SCRN1: variants seen among roughly 807,000 people sequenced by gnomAD.
SCRN1 encodes the protein secernin 1.
In SCRN1, 19 loss-of-function variants were observed where a neutral mutation model predicts 43.3. The observed-to-expected ratio is 0.44, with a 90% confidence interval of 0.31 to 0.64. The LOEUF (loss-of-function observed/expected upper bound fraction) is 0.64. Among genes scored for constraint, SCRN1 ranks in the 30% least tolerant of loss-of-function variants. SCRN1 has a pLI of 0.09. For synonymous variants in SCRN1, 183 were observed against 188.9 expected (o/e 0.97, Z 0.26); for missense variants, 447 against 524.1 (o/e 0.85, Z 1.44).
chr7:29,976,989 C>T (rs1583696605), intron 1 of SCRN1, among the ~76,000 whole-genome samples: 1 of 152,174 alleles, frequency 6.6e-6, no homozygotes, highest in African/African-American at 2.4e-5. Flanking sequence ...TTATTGAAGG[C>T]GTGAATGCTC....
chr7:29,983,044 G>T (rs1218092526), intron 1 of SCRN1, among the ~76,000 whole-genome samples: 1 of 151,768 alleles, frequency 6.6e-6, no homozygotes, highest in East Asian at 1.9e-4. Flanking sequence ...TCACCATGTT[G>T]GCCAGGCTGG....
intron 1 of SCRN1, among the ~76,000 whole-genome samples, chr7:29,986,639 T>C: frequency 6.6e-6 from 1 of 152,112 alleles, no homozygotes; most frequent in East Asian, 1.9e-4. Context: ...TCTGTATTTT[T>C]ACAACTTGCT....
In SCRN1 at chr7:29,923,969, C is replaced by T. The variant is rs1562798611; in HGVS notation, c.1233G>A (p.Lys411=). 2 of 1,612,026 alleles carry T rather than the reference C, an allele frequency of 1.2e-6. No homozygotes were observed. Among genetic ancestry groups the T allele is most frequent in the South Asian group, 2.2e-5 (2 of 90,654 alleles). The change falls in exon 8 of 8, where the codon AAG becomes AAA. Residue 411 remains lysine (K), a synonymous_variant. Coordinates refer to ENST00000242059, the MANE Select transcript of SCRN1 (RefSeq NM_014766.5). The stretch of plus-strand genomic sequence containing the variant: ...GGGAACGCTTACTTCACTTAAAGAA[C>T]TTAATCTCCGTGTCAACACAGTCAT... ...LFYDCVDTEI[K]FFK is the part of the protein sequence containing the mutation.
Position 29,940,800 on chromosome 7 carries a change from G to C in SCRN1, c.621C>G (p.Tyr207Ter), listed in dbSNP as rs769256493. ...CCGTCCACCAACCTTGGCTCTGAGC[G>C]TAACTCCTGAGTTCCGGATGCTCTG... ...MDAEHPELRSYAQSQGWWTGE... is the reference protein window; with the variant it reads ...MDAEHPELRS The change falls in exon 5 of 8, where the codon TAC becomes TAG. Residue 207 changes from tyrosine (Y) to a stop codon, truncating the protein, a stop_gained. Transcript: ENST00000242059. LOFTEE classifies it high-confidence loss of function. The C allele has an allele frequency of 1.2e-6, 2 of 1,607,008 alleles. No homozygotes were observed. The highest frequency in any genetic ancestry group is 1.7e-6 in the Non-Finnish European group (2 of 1,178,124).
intron 3 of SCRN1, among the ~76,000 whole-genome samples, chr7:29,949,300 G>C (rs985540504): frequency 4.8e-5 from 7 of 144,678 alleles, no homozygotes; most frequent in Non-Finnish European, 9.1e-5. Flanking sequence ...GGGTGACAGA[G>C]CAAGACTCCG....
At chr7:29,943,131 C>T (rs185120399) in intron 4 of SCRN1, among the ~76,000 whole-genome samples, 10 of 152,260 alleles carry the variant, frequency 6.6e-5, no homozygotes, top group East Asian at 1.9e-4. Flanking sequence ...ATAGGTTCAA[C>T]GAAAGAGAAG....
chr7:29,969,593 A>G (rs1042421346), intron 1 of SCRN1, among the ~76,000 whole-genome samples: 2 of 152,190 alleles, frequency 1.3e-5, no homozygotes, highest in Non-Finnish European at 2.9e-5. Flanking sequence ...CCTCGATGAC[A>G]TAACACTCAA....
At chr7:29,926,993 CTT>C (rs767465159) in intron 6 of SCRN1, among the ~76,000 whole-genome samples, 4 of 143,846 alleles carry the variant, frequency 2.8e-5, no homozygotes, top group South Asian at 2.2e-4. Context: ...AGAGGTTTGC[CTT>C]TTTTTTTTTT....
chr7:29,932,470 T>C (rs1787187772), intron 6 of SCRN1, among the ~76,000 whole-genome samples: 1 of 151,524 alleles, frequency 6.6e-6, no homozygotes, highest in South Asian at 2.1e-4. Flanking sequence ...CTGGCCAACA[T>C]GGTGAAACCC....
chr7:29,964,708 C>T (rs1048696364), intron 2 of SCRN1, among the ~76,000 whole-genome samples: 3 of 151,834 alleles, frequency 2.0e-5, no homozygotes, highest in Admixed American at 1.3e-4. Context: ...TTTGGGAGGC[C>T]GAGGCGGGTG....
chr7:29,944,210 G>C (rs888154828), intron 3 of SCRN1, 31 bp from the exon 4 acceptor site: 1 of 1,598,858 alleles, frequency 6.3e-7, no homozygotes, highest in Non-Finnish European at 8.6e-7. Context: ...CCATACTTCA[G>C]TCATTTCATA....
chr7:29,978,987 T>G (rs1788913838), intron 1 of SCRN1, among the ~76,000 whole-genome samples: 1 of 152,278 alleles, frequency 6.6e-6, no homozygotes, highest in South Asian at 2.1e-4. Context: ...TAACTAATCA[T>G]TTTACAAAAG....
intron 2 of SCRN1, among the ~76,000 whole-genome samples, chr7:29,962,766 T>A (rs1456936510): frequency 1.3e-5 from 2 of 152,234 alleles, no homozygotes; most frequent in African/African-American, 2.4e-5. Flanking sequence ...TGGGTTTTTA[T>A]GAAAAGTTCT....
chr7:29,944,252 T>G lies in SCRN1; in HGVS notation c.342-73A>C, dbSNP rs532253936. The G allele has an allele frequency of 1.4e-5, 19 of 1,391,622 alleles. No homozygotes were observed. In the African/African-American group the frequency reaches 2.3e-4, roughly 17 times the overall value. The allele number at this position is 1,391,622 out of a possible 1,614,324, so 86.2% of individuals were successfully genotyped here. On this transcript the variant is annotated intron_variant, in intron 3 of 7. Transcript: ENST00000242059. ...GATTGTTACTAGAGTAACCAAAGAC[T>G]GGGCAAGGCCGAGTTATGAAGCATG...
At chr7:29,988,424 C>T (rs1219601360) in intron 1 of SCRN1, among the ~76,000 whole-genome samples, 3 of 152,176 alleles carry the variant, frequency 2.0e-5, no homozygotes, top group Non-Finnish European at 4.4e-5. Flanking sequence ...CCTGCAGCAC[C>T]CTAAAATCTA....
At chr7:29,949,833 C>A (rs2128092600) in intron 3 of SCRN1, among the ~76,000 whole-genome samples, 1 of 150,860 alleles carries the variant, frequency 6.6e-6, no homozygotes, top group Non-Finnish European at 1.5e-5. Flanking sequence ...AACAGTGCAA[C>A]CAGCTACAAT....
rs1787647563 is a variant in SCRN1, at chr7:29,944,031, C to T, written c.490G>A (p.Glu164Lys). The T allele has an allele frequency of 1.2e-6, 2 of 1,614,260 alleles. No individual in the cohort carries two copies. The highest frequency in any genetic ancestry group is 2.2e-5 in the East Asian group (1 of 44,886). ...CCTATGGTCTCGAGCACCCAGGCTT[C>T]ATCACGATCCACAATCAGATATGCA... Reference protein sequence around the residue: ...QSAYLIVDRDEAWVLETIGKY... With the variant: ...QSAYLIVDRDKAWVLETIGKY... The change falls in exon 4 of 8, where the codon GAA becomes AAA. Residue 164 changes from glutamate (E) to lysine (K), a missense_variant. Transcript: ENST00000242059.
At position 29,923,815 on chromosome 7, in the gene SCRN1, A is replaced by C. The variant is rs1028107483; in HGVS notation, c.*142T>G. 2.3e-6 allele frequency: 2 copies of C among 871,522 alleles called. No individual in the cohort carries two copies. The highest frequency in any genetic ancestry group is 3.6e-6 in the Non-Finnish European group (2 of 557,044). The allele number at this position is 871,522 out of a possible 1,614,324, so 54.0% of individuals were successfully genotyped here. A position where few individuals can be genotyped will look rare whatever the true frequency, so the allele number is the denominator to read the frequency against. On this transcript the variant is annotated 3_prime_UTR_variant, in exon 8 of 8. Transcript: ENST00000242059. Reference sequence around the variant, plus strand: ...CGCTGTGAGATTCAAGGTGGAACACAAGGTAACAGTTTGATCTGGCTTCAG... The same window carrying C: ...CGCTGTGAGATTCAAGGTGGAACACCAGGTAACAGTTTGATCTGGCTTCAG...
rs1409039161 is a variant in SCRN1, at chr7:29,950,767, A to T, written c.341+4412T>A. 6.6e-6 allele frequency among the ~76,000 whole-genome samples: 1 copy of T among 152,148 alleles called. No individual in the cohort carries two copies. Among genetic ancestry groups the T allele is most frequent in the Non-Finnish European group, 1.5e-5 (1 of 68,016 alleles). On this transcript the variant is annotated intron_variant, in intron 3 of 7. Transcript: ENST00000242059. This position sits in a 1 kb window ranked among gnomAD's most constrained non-coding sequence, Gnocchi z 4.5. The stretch of plus-strand genomic sequence containing the variant: ...TGCCTGCAGCAGAAGGGAGCTACCC[A>T]CTACAGGTCTCCTCTCTGCTGAGAG...
Sources: gnomAD v4.1 joint callset for allele counts (sites outside exome capture counted in the v4.1 genomes callset) on GRCh38, gnomAD v4.1.1 for gene constraint, Gnocchi (gnomAD v3.1) non-coding constraint, MANE v1.5 for transcripts, NCBI Gene and HGNC (gene_info 2026-07-23, HGNC 2026-07-21) for gene names.